Variants in GLRA3 observed in about 807,000 individuals in gnomAD.
GLRA3 encodes the protein glycine receptor subunit alpha-3.
GLRA3 carries 44 observed loss-of-function variants against 60.4 expected under a neutral mutation model. That is an observed-to-expected ratio of 0.73 (90% CI 0.57 to 0.94). The LOEUF is 0.94. Among genes scored for constraint, GLRA3 ranks in the 40% least tolerant of loss-of-function variants. GLRA3 has a pLI of 0.00. For synonymous variants in GLRA3, 223 were observed against 192.9 expected, an observed-to-expected ratio of 1.16 and a Z score of -1.29; for missense variants, 508 against 564.6, an observed-to-expected ratio of 0.90 and a Z score of 1.02.
intron 3 of GLRA3, among the ~76,000 whole-genome samples, chr4:174,763,168 AAAGCACTCAGGT>A (rs2111227426): frequency 6.6e-6 from 1 of 152,294 alleles, no homozygotes; most frequent in South Asian, 2.1e-4. Context: ...CCATGGGGAA[AAAGCACTCAGGT>A]CACAAAGCTC....
chr4:174,805,426 T>C (rs565422762), intron 1 of GLRA3, among the ~76,000 whole-genome samples: 1 of 152,240 alleles, frequency 6.6e-6, no homozygotes, highest in South Asian at 2.1e-4. Context: ...CTAATCATCA[T>C]GTTGTGAGAA....
At chr4:174,780,446 C>A (rs1382436283) in intron 2 of GLRA3, among the ~76,000 whole-genome samples, 1 of 149,702 alleles carries the variant, frequency 6.7e-6, no homozygotes, top group South Asian at 2.1e-4. Context: ...ATGACAGGAT[C>A]AAATTCACAC....
chr4:174,773,630 C>T (rs1489700841), intron 2 of GLRA3, among the ~76,000 whole-genome samples: 1 of 152,156 alleles, frequency 6.6e-6, no homozygotes, highest in Non-Finnish European at 1.5e-5. Flanking sequence ...AATGCACACA[C>T]ATGTCACAAG....
At chr4:174,691,937 A>G (rs1734837720) in intron 5 of GLRA3, among the ~76,000 whole-genome samples, 1 of 148,058 alleles carries the variant, frequency 6.8e-6, no homozygotes. Context: ...CATCCCATCT[A>G]GGAAGTGAGG....
At chr4:174,779,007 C>T (rs1349177198) in intron 2 of GLRA3, among the ~76,000 whole-genome samples, 1 of 152,232 alleles carries the variant, frequency 6.6e-6, no homozygotes, top group African/African-American at 2.4e-5. Context: ...TAGGCTCCAC[C>T]TCTGGGGGCA....
intron 9 of GLRA3, among the ~76,000 whole-genome samples, chr4:174,644,763 A>C (rs1732752400): frequency 1.3e-5 from 2 of 152,310 alleles, no homozygotes; most frequent in South Asian, 4.1e-4. Context: ...TCATAAATTT[A>C]TTACTATGTT....
rs576745341 is a variant in GLRA3 at position 174,699,936 on chromosome 4, A to G, written c.574+15552T>C. On this transcript the variant is annotated intron_variant, in intron 5 of 9. Transcript: ENST00000274093. ...ACTTAACAAAATTATTTGTTAAATG[A>G]TTCAATTGTGTTGTAATCCACACTC... Among the ~76,000 whole-genome samples the G allele has an allele frequency of 5.9e-5, 9 of 152,040 alleles. No homozygotes were observed. In the South Asian group the frequency reaches 1.9e-3, roughly 32 times the overall value.
chr4:174,688,684 TCTCAA>T (rs1299192544), intron 5 of GLRA3, among the ~76,000 whole-genome samples: 1 of 151,036 alleles, frequency 6.6e-6, no homozygotes, highest in East Asian at 2.0e-4. Flanking sequence ...GCCTAAGAAG[TCTCAA>T]CATTGACTTA....
chr4:174,676,797 C>T (rs1296635992), intron 7 of GLRA3, among the ~76,000 whole-genome samples: 1 of 151,844 alleles, frequency 6.6e-6, no homozygotes, highest in African/African-American at 2.4e-5. Context: ...TATTTTAAAA[C>T]CTATTGATAC....
At chr4:174,754,426 A>G (rs1283108554) in intron 3 of GLRA3, among the ~76,000 whole-genome samples, 2 of 152,204 alleles carry the variant, frequency 1.3e-5, no homozygotes, top group Non-Finnish European at 2.9e-5. Context: ...GTAAGAAAAA[A>G]AAGAGAAGGA....
chr4:174,729,903 T>C (rs1457153184), intron 3 of GLRA3, among the ~76,000 whole-genome samples: 1 of 152,232 alleles, frequency 6.6e-6, no homozygotes, highest in Non-Finnish European at 1.5e-5. Flanking sequence ...ACGGATGCTT[T>C]AATAATATCA....
intron 5 of GLRA3, among the ~76,000 whole-genome samples, chr4:174,684,870 G>A (rs189678619): frequency 5.9e-5 from 9 of 152,184 alleles, no homozygotes; most frequent in South Asian, 2.1e-4. Context: ...TTAGCCGGGC[G>A]TGGTGGTGGG....
chr4:174,693,707 T>C (rs1392239728), intron 5 of GLRA3, among the ~76,000 whole-genome samples: 1 of 152,172 alleles, frequency 6.6e-6, no homozygotes, highest in East Asian at 1.9e-4. Flanking sequence ...GTTAATTTTA[T>C]AGAAATAGCA....
chr4:174,669,637 G>A (rs1367813684), intron 7 of GLRA3, among the ~76,000 whole-genome samples: 5 of 152,112 alleles, frequency 3.3e-5, no homozygotes, highest in Admixed American at 1.3e-4. Flanking sequence ...GTGCAGTGGT[G>A]TAATCATAAC....
chr4:174,762,373 C>T (rs1737974390), intron 3 of GLRA3, among the ~76,000 whole-genome samples: 1 of 151,954 alleles, frequency 6.6e-6, no homozygotes, highest in Non-Finnish European at 1.5e-5. Flanking sequence ...ACATCTGGAC[C>T]ACCTATAGCC....
intron 5 of GLRA3, among the ~76,000 whole-genome samples, chr4:174,692,799 C>T (rs55755724): frequency 0.014 from 2,176 of 152,100 alleles, 54 homozygotes; most frequent in African/African-American, 0.049. Flanking sequence ...GACACAAACA[C>T]TGCAGAAGGC....
intron 2 of GLRA3, among the ~76,000 whole-genome samples, chr4:174,778,963 C>A (rs1738743158): frequency 6.6e-6 from 1 of 152,188 alleles, no homozygotes; most frequent in South Asian, 2.1e-4. Context: ...CTGGGTGGAG[C>A]CCACCACAGC....
chr4:174,692,044 AC>A, intron 5 of GLRA3, among the ~76,000 whole-genome samples: 1 of 149,046 alleles, frequency 6.7e-6, no homozygotes, highest in East Asian at 2.0e-4. Flanking sequence ...CCCGGCCACC[AC>A]CCCGTCTGGG....
intron 6 of GLRA3, among the ~76,000 whole-genome samples, chr4:174,681,435 A>AG (rs1239248258): frequency 2.6e-5 from 4 of 152,186 alleles, no homozygotes; most frequent in Non-Finnish European, 4.4e-5. Context: ...CCTGGATAAG[A>AG]GGGGGTCCCA....
Sources: gnomAD v4.1 joint callset for allele counts (sites outside exome capture counted in the v4.1 genomes callset) on GRCh38, gnomAD v4.1.1 for gene constraint, MANE v1.5 for transcripts, NCBI Gene and HGNC (gene_info 2026-07-23, HGNC 2026-07-21) for gene names.